The following PLCB1 variants were observed in gnomAD, a reference collection of about 807,000 sequenced individuals.
The protein encoded by PLCB1 is phospholipase C beta 1.
A neutral mutation model predicts 161.8 loss-of-function variants in PLCB1; 46 were observed. That is an observed-to-expected ratio of 0.28 (90% CI 0.22 to 0.36). The LOEUF is 0.36. PLCB1 is among the 10% of genes least tolerant of loss of function. The probability of loss-of-function intolerance (pLI) is 1.00; values close to 1 mark genes in which losing one functional copy is unlikely to be tolerated. For synonymous variants in PLCB1, 517 were observed against 503.7 expected, an observed-to-expected ratio of 1.03 and a Z score of -0.35; for missense variants, 1,016 against 1,472.5, an observed-to-expected ratio of 0.69 and a Z score of 5.07.
At chr20:8,579,638 G>A (rs963283824) in intron 3 of PLCB1, among the ~76,000 whole-genome samples, 1 of 152,134 alleles carries the variant, frequency 6.6e-6, no homozygotes, top group African/African-American at 2.4e-5. Context: ...CCATTCATAG[G>A]ATGTGATATC....
At chr20:8,874,984 C>A (rs1987729736) in intron 31 of PLCB1, among the ~76,000 whole-genome samples, 1 of 151,106 alleles carries the variant, frequency 6.6e-6, no homozygotes, top group Non-Finnish European at 1.5e-5. Flanking sequence ...AAGGAAATTT[C>A]TTTTAAATTT....
intron 2 of PLCB1, among the ~76,000 whole-genome samples, chr20:8,324,008 A>G (rs773193441): frequency 6.6e-6 from 1 of 152,216 alleles, no homozygotes; most frequent in Non-Finnish European, 1.5e-5. Flanking sequence ...ATTTAGAAGT[A>G]TGATGTTGAT....
Position 8,658,796 on chromosome 20 carries a change from T to C in PLCB1, c.862+92T>C, listed in dbSNP as rs2076640. ...GTTAGGAACACCAGTGATCGTTAGGTTAGTTTCCTCTGTTTACAAGGCATT... is the reference window on the plus strand; with the variant it reads ...GTTAGGAACACCAGTGATCGTTAGGCTAGTTTCCTCTGTTTACAAGGCATT... On this transcript the variant is annotated intron_variant, in intron 9 of 31. Transcript: ENST00000338037. The C allele has an allele frequency of 0.42, 442,118 of 1,044,220 alleles. 96,375 individuals are homozygous for C. Among genetic ancestry groups the C allele is most frequent in the Admixed American group, 0.47 (18,708 of 39,700 alleles). 64.7% of individuals were successfully genotyped at this position (1,044,220 alleles called of 1,614,324 possible).
intron 3 of PLCB1, among the ~76,000 whole-genome samples, chr20:8,458,094 A>G (rs1187169011): frequency 4.6e-5 from 7 of 152,104 alleles, no homozygotes; most frequent in Non-Finnish European, 1.0e-4. Context: ...AGCTAACTAG[A>G]TGTGAACATC....
At chr20:8,382,702 C>A (rs1987297342) in intron 3 of PLCB1, among the ~76,000 whole-genome samples, 1 of 151,270 alleles carries the variant, frequency 6.6e-6, no homozygotes, top group African/African-American at 2.4e-5. Flanking sequence ...GCACCTGCCA[C>A]CATGCCTGGC....
At chr20:8,840,789 C>G (rs1412989106) in intron 31 of PLCB1, among the ~76,000 whole-genome samples, 2 of 152,056 alleles carry the variant, frequency 1.3e-5, no homozygotes, top group African/African-American at 4.8e-5. Flanking sequence ...TCACTTCCCC[C>G]CTTTTTAAAT....
At chr20:8,306,919 A>G (rs2123329866) in intron 2 of PLCB1, among the ~76,000 whole-genome samples, 1 of 152,370 alleles carries the variant, frequency 6.6e-6, no homozygotes, top group Middle Eastern at 3.4e-3. Context: ...CACATTCTTA[A>G]CAAGGTGGTT....
At chr20:8,408,700 T>C (rs1978897442) in intron 3 of PLCB1, among the ~76,000 whole-genome samples, 1 of 152,170 alleles carries the variant, frequency 6.6e-6, no homozygotes, top group Non-Finnish European at 1.5e-5. Flanking sequence ...CATTTTTGTC[T>C]GAGTAGCTGA....
At chr20:8,298,770 A>G (rs1983754405) in intron 2 of PLCB1, among the ~76,000 whole-genome samples, 1 of 152,164 alleles carries the variant, frequency 6.6e-6, no homozygotes, top group African/African-American at 2.4e-5. Context: ...TTTATTCAGC[A>G]TTTCTTCTAT....
At chr20:8,197,080 T>C (rs2052033026) in intron 2 of PLCB1, among the ~76,000 whole-genome samples, 1 of 152,198 alleles carries the variant, frequency 6.6e-6, no homozygotes, top group African/African-American at 2.4e-5. Flanking sequence ...GTTGGACATT[T>C]GGGTTGGTTC....
At chr20:8,621,941 G>A (rs947374018) in intron 3 of PLCB1, among the ~76,000 whole-genome samples, 13 of 152,164 alleles carry the variant, frequency 8.5e-5, no homozygotes, top group African/African-American at 2.9e-4. Flanking sequence ...TGTGGTAGTT[G>A]ACACAGTCAC....
intron 3 of PLCB1, among the ~76,000 whole-genome samples, chr20:8,543,736 G>A (rs932060888): frequency 7.9e-5 from 12 of 152,028 alleles, no homozygotes; most frequent in Non-Finnish European, 1.8e-4. Flanking sequence ...GACCTTGGGG[G>A]TGGTGATTAG....
chr20:8,348,969 T>A (rs1425895587), intron 2 of PLCB1, among the ~76,000 whole-genome samples: 1 of 152,088 alleles, frequency 6.6e-6, no homozygotes, highest in Admixed American at 6.6e-5. Flanking sequence ...ACAAGACTTT[T>A]AAAAAGGTAT....
intron 3 of PLCB1, among the ~76,000 whole-genome samples, chr20:8,412,346 T>C (rs1979081264): frequency 6.6e-6 from 1 of 152,210 alleles, no homozygotes; most frequent in Non-Finnish European, 1.5e-5. Flanking sequence ...GGCAGAGATG[T>C]ACACAACCCC....
intron 3 of PLCB1, among the ~76,000 whole-genome samples, chr20:8,547,034 G>T (rs974223416): frequency 6.6e-6 from 1 of 152,106 alleles, no homozygotes; most frequent in African/African-American, 2.4e-5. Context: ...CTGGTGAAAT[G>T]GCCCACTGAT....
At chr20:8,777,842 G>A (rs1252028542) in intron 27 of PLCB1, among the ~76,000 whole-genome samples, 3 of 152,114 alleles carry the variant, frequency 2.0e-5, no homozygotes, top group African/African-American at 4.8e-5. Flanking sequence ...CACCGTGACT[G>A]GGGAAGCCTC....
chr20:8,452,324 A>G (rs1981108829), intron 3 of PLCB1, among the ~76,000 whole-genome samples: 1 of 152,176 alleles, frequency 6.6e-6, no homozygotes, highest in Non-Finnish European at 1.5e-5. Flanking sequence ...ACTCCCAGGA[A>G]TTTTTTAGCC....
chr20:8,296,430 G>A (rs1222433178), intron 2 of PLCB1, among the ~76,000 whole-genome samples: 5 of 152,166 alleles, frequency 3.3e-5, no homozygotes, highest in African/African-American at 1.2e-4. Flanking sequence ...ACAAGGACAA[G>A]TATATGCCCT....
intron 2 of PLCB1, among the ~76,000 whole-genome samples, chr20:8,229,027 C>T (rs1979859519): frequency 6.6e-6 from 1 of 151,926 alleles, no homozygotes; most frequent in Admixed American, 6.6e-5. Flanking sequence ...TTAACAAATC[C>T]CCCCATGCAC....
Sources: allele counts gnomAD v4.1 joint callset (sites outside exome capture counted in the v4.1 genomes callset), GRCh38; gene constraint gnomAD v4.1.1; transcripts MANE v1.5; gene names NCBI Gene and HGNC (gene_info 2026-07-23, HGNC 2026-07-21).